Variants in CARS2 observed in about 807,000 individuals in gnomAD.
The protein encoded by CARS2 is probable cysteine--tRNA ligase, mitochondrial.
A neutral mutation model predicts 68.8 loss-of-function variants in CARS2; 52 were observed. The ratio of observed to expected loss-of-function variants is 0.76; its 90% CI spans 0.61 to 0.95. The LOEUF is 0.95. CARS2 is among the 40% of genes least tolerant of loss of function. CARS2 has a pLI of 0.00. For synonymous variants in CARS2, 314 were observed against 303.6 expected (o/e 1.03, Z -0.36); for missense variants, 780 against 754.2 (o/e 1.03, Z -0.40).
upstream of CARS2, among the ~76,000 whole-genome samples, chr13:110,707,830 A>G (rs1006516410): frequency 1.3e-5 from 2 of 152,212 alleles, no homozygotes; most frequent in African/African-American, 2.4e-5. Context: ...ACAAGTGTGT[A>G]CCTAGAGTAG....
intron 10 of CARS2, chr13:110,650,702 G>A: frequency 3.6e-6 from 1 of 273,992 alleles, no homozygotes. Flanking sequence ...CCATGTTCAG[G>A]GGCCGTGCCA....
At chr13:110,643,886 T>C (rs1339817847) in intron 13 of CARS2, 4 of 269,586 alleles carry the variant, frequency 1.5e-5, no homozygotes, top group Admixed American at 4.8e-5. Context: ...AGAGAAGGAA[T>C]GTGGAGAAGC....
chr13:110,654,249 G>C lies in CARS2; in HGVS notation c.988-3149C>G, dbSNP rs1479078282. Among the ~76,000 whole-genome samples the C allele has an allele frequency of 2.0e-5, 3 of 152,364 alleles. No individual in the cohort carries two copies. The East Asian group carries it at 5.8e-4, about 29-fold the overall frequency. ...TGGGCCAGGCCCTAGCTTGCTTTGA[G>C]ACGTACAGTAACTAGAAAGCAGGTT... On this transcript the variant is annotated intron_variant, in intron 9 of 14. Coordinates refer to ENST00000257347, the MANE Select transcript of CARS2 (RefSeq NM_024537.4).
chr13:110,650,706 C>G (rs2062183382), intron 10 of CARS2: 1 of 281,282 alleles, frequency 3.6e-6, no homozygotes, highest in Non-Finnish European at 6.7e-6. Flanking sequence ...GTTCAGGGGC[C>G]GTGCCAGGCT....
intron 2 of CARS2, among the ~76,000 whole-genome samples, chr13:110,702,930 C>T (rs189702073): frequency 1.3e-5 from 2 of 152,246 alleles, no homozygotes; most frequent in East Asian, 1.9e-4. Flanking sequence ...TCTGGGTGAT[C>T]GCTGAAATGA....
intron 9 of CARS2, among the ~76,000 whole-genome samples, chr13:110,658,988 T>C: frequency 6.6e-6 from 1 of 152,144 alleles, no homozygotes; most frequent in Non-Finnish European, 1.5e-5. Flanking sequence ...AAATTACTGC[T>C]AACTTTTTAG....
At chr13:110,688,174 C>T (rs1486618764) in intron 3 of CARS2, among the ~76,000 whole-genome samples, 156 bp from the exon 4 acceptor site, 3 of 152,204 alleles carry the variant, frequency 2.0e-5, no homozygotes, top group African/African-American at 7.2e-5. Context: ...CTCACCAAAG[C>T]GGGGGCACTC....
upstream of CARS2, among the ~76,000 whole-genome samples, chr13:110,709,784 C>A (rs1002199824): frequency 1.3e-5 from 2 of 151,998 alleles, no homozygotes; most frequent in Non-Finnish European, 2.9e-5. Context: ...CTCTAGAGAA[C>A]CCTGACTAAT....
At chr13:110,704,453 G>A (rs6492303) in intron 2 of CARS2, among the ~76,000 whole-genome samples, 96,134 of 152,194 alleles carry the variant, frequency 0.63, 32,169 homozygotes, top group South Asian at 0.77. Context: ...GCCGGGCATG[G>A]TGGTTCATGC....
chr13:110,647,307 A>G, intron 10 of CARS2, 68 bp from the exon 11 acceptor site: 2 of 1,557,746 alleles, frequency 1.3e-6, no homozygotes, highest in Admixed American at 3.5e-5. Flanking sequence ...GTCCAGCAGA[A>G]TCAGTGTTTT....
In CARS2 at chr13:110,683,132, T is replaced by C. The variant is rs150286306; in HGVS notation, c.574A>G (p.Asn192Asp). ...RGNAYSTAKGNVYFDLKSRGD... is the reference protein window; with the variant it reads ...RGNAYSTAKGDVYFDLKSRGD... ...CTAGACTTCAGATCGAAGTAGACAT[T>C]GCCTGTTTATAAAGACAATTATGAA... Residue 192 changes from asparagine (N) to aspartate (D), a missense_variant and splice_region_variant, in exon 6 of 15, where the codon AAT (asparagine) becomes GAT (aspartate). Physicochemically the swap from Asn to Asp is conservative, Grantham distance 23. Coordinates refer to ENST00000257347, the MANE Select transcript of CARS2 (RefSeq NM_024537.4). 7.1e-4 allele frequency: 1,126 copies of C among 1,580,076 alleles called. 1 individual carries two copies. Among genetic ancestry groups the C allele is most frequent in the Admixed American group, 1.6e-3 (88 of 53,560 alleles).
In CARS2 at chr13:110,651,115, G is replaced by A. The variant is rs1566653902; in HGVS notation, c.988-15C>T. On this transcript the variant is annotated splice_polypyrimidine_tract_variant and intron_variant, in intron 9 of 14. Transcript: ENST00000257347. ...TTCAGAAAGTCCTGGTAAAGCGAGA[G>A]ACAGGCAGTCACGAGGCTTTGCTTT... is the stretch of plus-strand genomic sequence containing the variant. 6.2e-7 allele frequency: 1 copy of A among 1,603,832 alleles called. No homozygotes were observed. The highest frequency in any genetic ancestry group is 1.1e-5 in the South Asian group (1 of 90,850).
At chr13:110,712,989 G>A in intron 1 of CARS2, 1 of 1,549,816 alleles carries the variant, frequency 6.5e-7, no homozygotes, top group Non-Finnish European at 8.7e-7. Flanking sequence ...TAGGTCTCCC[G>A]CGCACTCTGC....
upstream of CARS2, chr13:110,707,787 TTTATTA>T (rs1207947074): frequency 2.0e-5 from 3 of 152,234 alleles, no homozygotes; most frequent in African/African-American, 7.2e-5. Flanking sequence ...GCTTTGGTGT[TTTATTA>T]AAAAGCAAAG....
At chr13:110,682,808 C>G (rs2063194905) in intron 6 of CARS2, among the ~76,000 whole-genome samples, 1 of 152,164 alleles carries the variant, frequency 6.6e-6, no homozygotes, top group East Asian at 1.9e-4. Context: ...AGCACTGTCT[C>G]CAGGGAATGG....
intron 3 of CARS2, among the ~76,000 whole-genome samples, chr13:110,697,184 CT>C (rs745780109): frequency 9.2e-5 from 14 of 152,380 alleles, no homozygotes; most frequent in Non-Finnish European, 1.9e-4. Context: ...ACTGACCTTC[CT>C]TCTTTACCAG....
chr13:110,656,044 G>A (rs1481926729), intron 9 of CARS2, among the ~76,000 whole-genome samples: 1 of 152,210 alleles, frequency 6.6e-6, no homozygotes, highest in African/African-American at 2.4e-5. Flanking sequence ...AGTGGCTCAC[G>A]CCTGTAATCC....
chr13:110,693,714 A>G (rs916504958), intron 3 of CARS2, among the ~76,000 whole-genome samples: 1 of 152,052 alleles, frequency 6.6e-6, no homozygotes, highest in African/African-American at 2.4e-5. Flanking sequence ...GAAACATATG[A>G]TCATTCCTCA....
At chr13:110,644,823 C>T (rs548880616) in intron 12 of CARS2, 8 of 250,446 alleles carry the variant, frequency 3.2e-5, no homozygotes, top group Admixed American at 1.9e-4. Flanking sequence ...TCTCAGAAAA[C>T]GGGGAAATCC....
Sources: allele counts gnomAD v4.1 joint callset (sites outside exome capture counted in the v4.1 genomes callset), GRCh38; gene constraint gnomAD v4.1.1; transcripts MANE v1.5; gene names NCBI Gene and HGNC (gene_info 2026-07-23, HGNC 2026-07-21).